Variants in ANKRD6 observed in about 807,000 individuals in gnomAD.
The protein encoded by ANKRD6 is ankyrin repeat domain 6.
A neutral mutation model predicts 82.3 loss-of-function variants in ANKRD6; 56 were observed. The ratio of observed to expected loss-of-function variants is 0.68; its 90% CI spans 0.55 to 0.85. ANKRD6 has a LOEUF of 0.85. Ranked by LOEUF, ANKRD6 falls within the 40% of genes least tolerant of loss-of-function variation. The pLI, the probability that ANKRD6 is intolerant of heterozygous loss-of-function variation, is 0.00. For synonymous variants in ANKRD6, 347 were observed against 352.1 expected, an observed-to-expected ratio of 0.99 and a Z score of 0.16; for missense variants, 852 against 907.6, an observed-to-expected ratio of 0.94 and a Z score of 0.79.
chr6:89,499,837 G>C (rs976457248), intron 1 of ANKRD6, among the ~76,000 whole-genome samples: 10 of 152,000 alleles, frequency 6.6e-5, no homozygotes, highest in African/African-American at 2.2e-4. Flanking sequence ...TTTCAACTCT[G>C]TTATGATGCC....
chr6:89,590,742 C>G (rs1392229464), intron 2 of ANKRD6, among the ~76,000 whole-genome samples: 1 of 152,076 alleles, frequency 6.6e-6, no homozygotes, highest in Non-Finnish European at 1.5e-5. Flanking sequence ...TGCGGCTGAG[C>G]TCAGATGGCT....
At chr6:89,621,097 A>G (rs1197695542) in intron 9 of ANKRD6, 1 of 151,968 alleles carries the variant, frequency 6.6e-6, no homozygotes, top group African/African-American at 2.4e-5. Context: ...AAAAATAAAG[A>G]CAAGGTCTTG....
At chr6:89,622,999 G>A (rs1804072185) in intron 10 of ANKRD6, among the ~76,000 whole-genome samples, 1 of 138,952 alleles carries the variant, frequency 7.2e-6, no homozygotes, top group Admixed American at 7.5e-5. Flanking sequence ...GAGTGTTGTG[G>A]GTTGGGGTGG....
chr6:89,451,697 G>T (rs546369327), intron 1 of ANKRD6, among the ~76,000 whole-genome samples: 8 of 152,134 alleles, frequency 5.3e-5, no homozygotes, highest in Non-Finnish European at 1.2e-4. Flanking sequence ...GGTACTTAAA[G>T]AATCAAAAAC....
intron 1 of ANKRD6, among the ~76,000 whole-genome samples, chr6:89,464,390 T>C (rs12664878): frequency 5.3e-5 from 8 of 152,098 alleles, no homozygotes; most frequent in African/African-American, 1.9e-4. Context: ...AGAAAACGTT[T>C]CTTTAGTCCC....
chr6:89,526,667 AT>A (rs1257571249), intron 1 of ANKRD6, among the ~76,000 whole-genome samples: 4 of 152,148 alleles, frequency 2.6e-5, no homozygotes, highest in African/African-American at 4.8e-5. Flanking sequence ...ACAGAAATTT[AT>A]TTTAAGGTAG....
intron 13 of ANKRD6, among the ~76,000 whole-genome samples, chr6:89,625,142 G>A (rs1805170711): frequency 6.6e-6 from 1 of 152,058 alleles, no homozygotes; most frequent in Admixed American, 6.6e-5. Context: ...AATTAGCCTG[G>A]TGTGGTGGCA....
rs138651624 is a variant in ANKRD6, at chr6:89,580,144, A to T, written c.120+13048A>T. ...TGGCTGTGTACATTTCTCCAACCAC[A>T]TGAAAGTGAATACTTTAAAAAAGTT... On this transcript the variant is annotated intron_variant, in intron 2 of 15. Coordinates refer to ENST00000339746, the MANE Select transcript of ANKRD6 (RefSeq NM_001242809.2). Among the ~76,000 whole-genome samples the T allele has an allele frequency of 4.1e-3, 628 of 152,148 alleles. 5 individuals carry two copies. Among genetic ancestry groups the T allele is most frequent in the African/African-American group, 0.013 (557 of 41,494 alleles).
chr6:89,623,093 G>A (rs572969454), intron 10 of ANKRD6, among the ~76,000 whole-genome samples: 5 of 151,926 alleles, frequency 3.3e-5, no homozygotes, highest in East Asian at 1.9e-4. Context: ...AAATCTAAAC[G>A]ATCAAAAATC....
rs954489030 is a variant in ANKRD6, at chr6:89,630,574, G to C, written c.1754G>C (p.Gly585Ala). The C allele has an allele frequency of 5.0e-6, 8 of 1,613,860 alleles. No individual in the cohort carries two copies. The highest frequency in any genetic ancestry group is 6.8e-6 in the Non-Finnish European group (8 of 1,179,818). Residue 585 changes from glycine to alanine, a missense_variant, in exon 16 of 16, where the codon GGC (glycine) becomes GCC (alanine). Gly to Ala is a moderately conservative substitution (Grantham distance 60, BLOSUM62 0). Coordinates refer to ENST00000339746, the MANE Select transcript of ANKRD6 (RefSeq NM_001242809.2). ...GAGCTGTCGTCTTCTGACTGTACAG[G>C]CTCCCGACTGAGAAACGTCAAGGTC... ...QQELSSSDCT[G>A]SRLRNVKVQT...
intron 1 of ANKRD6, among the ~76,000 whole-genome samples, chr6:89,519,199 A>T (rs1022382818): frequency 9.8e-5 from 15 of 152,322 alleles, no homozygotes; most frequent in South Asian, 4.1e-4. Flanking sequence ...GCTATTAAAG[A>T]TTTTTAAGCA....
intron 9 of ANKRD6, chr6:89,621,342 C>T (rs986753619): frequency 6.4e-6 from 1 of 156,370 alleles, no homozygotes; most frequent in African/African-American, 2.4e-5. Context: ...CATTCTGTCA[C>T]TCTGCACTGT....
chr6:89,488,946 C>A (rs573653681), intron 1 of ANKRD6, among the ~76,000 whole-genome samples: 20 of 147,298 alleles, frequency 1.4e-4, no homozygotes, highest in Non-Finnish European at 1.5e-5. Context: ...TAAAATGCTG[C>A]TTGTGACCTA....
rs1226126440 is a variant in ANKRD6, at chr6:89,456,946, AC to A, written c.-144+23573del. 5.9e-5 allele frequency among the ~76,000 whole-genome samples: 9 copies of A among 152,298 alleles called. No homozygotes were observed. In the East Asian group the frequency reaches 1.7e-3, roughly 29 times the overall value. On this transcript the variant is annotated intron_variant, in intron 1 of 15. Coordinates refer to ENST00000339746, the MANE Select transcript of ANKRD6 (RefSeq NM_001242809.2). ...TCAGTCAGGAATTAATTAGAAAGTG[AC>A]CTGGCTGAGAGGTTCAGACCTTAGT...
At chr6:89,563,916 C>G (rs1056907349) in intron 1 of ANKRD6, among the ~76,000 whole-genome samples, 1 of 152,106 alleles carries the variant, frequency 6.6e-6, no homozygotes, top group Non-Finnish European at 1.5e-5. Flanking sequence ...CACCTGGTAT[C>G]TCTGCTGGGC....
chr6:89,542,512 G>A (rs986943882), intron 1 of ANKRD6, among the ~76,000 whole-genome samples: 1 of 151,918 alleles, frequency 6.6e-6, no homozygotes, highest in Non-Finnish European at 1.5e-5. Flanking sequence ...CCACCCCCCC[G>A]CTTCCCGAGA....
intron 14 of ANKRD6, 86 bp downstream of exon 14, chr6:89,627,782 G>T: frequency 8.6e-7 from 1 of 1,167,802 alleles, no homozygotes; most frequent in South Asian, 1.3e-5. Context: ...TGAAAACTCA[G>T]AGGCTGAGAC....
chr6:89,583,087 G>A (rs1402943928), intron 2 of ANKRD6, among the ~76,000 whole-genome samples: 1 of 152,180 alleles, frequency 6.6e-6, no homozygotes, highest in Admixed American at 6.5e-5. Flanking sequence ...AGTTGGTCTG[G>A]GATATGGCCT....
intron 1 of ANKRD6, among the ~76,000 whole-genome samples, chr6:89,524,759 TG>T (rs1782266649): frequency 6.6e-6 from 1 of 152,202 alleles, no homozygotes; most frequent in South Asian, 2.1e-4. Flanking sequence ...ATGGGATTGC[TG>T]GATCAAATAG....
Sources: gnomAD v4.1 joint callset for allele counts (sites outside exome capture counted in the v4.1 genomes callset) on GRCh38, gnomAD v4.1.1 for gene constraint, MANE v1.5 for transcripts, NCBI Gene and HGNC (gene_info 2026-07-23, HGNC 2026-07-21) for gene names.